The following CNTNAP2 variants were observed in gnomAD, a reference collection of about 807,000 sequenced individuals.
The protein encoded by CNTNAP2 is contactin associated protein 2, also known as contactin-associated protein-like 2.
CNTNAP2 carries 98 observed loss-of-function variants against 155.2 expected under a neutral mutation model. That is an observed-to-expected ratio of 0.63 (90% confidence interval 0.54 to 0.75). The LOEUF is 0.75. CNTNAP2 is among the 30% of genes least tolerant of loss of function. The pLI is 0.00. For synonymous variants in CNTNAP2, 651 were observed against 631.2 expected (o/e 1.03, Z -0.47); for missense variants, 1,727 against 1,688.1 (o/e 1.02, Z -0.40).
At chr7:147,466,912 TC>T (rs1798130433) in intron 10 of CNTNAP2, among the ~76,000 whole-genome samples, 1 of 152,098 alleles carries the variant, frequency 6.6e-6, no homozygotes, top group African/African-American at 2.4e-5. Context: ...AGAGTGAAAC[TC>T]CATCTCAAAA....
In CNTNAP2 at chr7:147,978,004, C is replaced by T. The variant is rs748783925; in HGVS notation, c.2383+15C>T. 4.3e-5 allele frequency: 70 copies of T among 1,613,630 alleles called. No homozygotes were observed. The highest frequency in any genetic ancestry group is 5.5e-5 in the Non-Finnish European group (65 of 1,179,854). ...CCAAGGAGACAGTAAGTTTGCATAG[C>T]AGCTATGGCTTGCACTTTCTTATCC... On this transcript the variant is annotated intron_variant, in intron 15 of 23. Coordinates refer to ENST00000361727, the MANE Select transcript of CNTNAP2 (RefSeq NM_014141.6).
intron 1 of CNTNAP2, among the ~76,000 whole-genome samples, chr7:146,354,764 G>T (rs1467040098): frequency 6.6e-6 from 1 of 152,074 alleles, no homozygotes; most frequent in Non-Finnish European, 1.5e-5. Flanking sequence ...AATATAGTGG[G>T]CAACCTGGTC....
intron 21 of CNTNAP2, among the ~76,000 whole-genome samples, chr7:148,312,098 TG>T (rs1797605729): frequency 6.6e-6 from 1 of 152,196 alleles, no homozygotes; most frequent in Non-Finnish European, 1.5e-5. Context: ...TGTGATTTTT[TG>T]GGCCTCTAAA....
intron 9 of CNTNAP2, among the ~76,000 whole-genome samples, chr7:147,364,960 A>AT (rs1462649716): frequency 6.6e-6 from 1 of 152,142 alleles, no homozygotes; most frequent in Non-Finnish European, 1.5e-5. Context: ...AAGAATTTGT[A>AT]TTTTTTTAAG....
intron 13 of CNTNAP2, among the ~76,000 whole-genome samples, chr7:147,842,110 A>G (rs1798743841): frequency 6.6e-6 from 1 of 152,240 alleles, no homozygotes. Context: ...ATTAATATAA[A>G]TGCATAATTC....
chr7:148,410,932 C>A (rs899974221), intron 23 of CNTNAP2, among the ~76,000 whole-genome samples: 3 of 152,096 alleles, frequency 2.0e-5, no homozygotes, highest in Non-Finnish European at 4.4e-5. Context: ...TGATGAACCC[C>A]TAAATACTAT....
intron 22 of CNTNAP2, among the ~76,000 whole-genome samples, chr7:148,395,278 GCT>G (rs1034746544): frequency 2.0e-5 from 3 of 148,984 alleles, no homozygotes; most frequent in African/African-American, 7.4e-5. Flanking sequence ...TGAATGTTTG[GCT>G]CTCTCTCTTA....
chr7:146,257,424 G>A (rs1038092732), intron 1 of CNTNAP2, among the ~76,000 whole-genome samples: 1 of 152,016 alleles, frequency 6.6e-6, no homozygotes, highest in Admixed American at 6.6e-5. Context: ...TGTTTACAAG[G>A]CCCCAAAATG....
intron 5 of CNTNAP2, among the ~76,000 whole-genome samples, chr7:147,116,144 T>C (rs149857096): frequency 9.9e-5 from 15 of 152,264 alleles, no homozygotes; most frequent in Middle Eastern, 3.4e-3. Context: ...GGAAGTATAA[T>C]ATCAGCAATG....
chr7:147,429,261 T>A (rs1049391886), intron 10 of CNTNAP2, among the ~76,000 whole-genome samples: 55 of 152,212 alleles, frequency 3.6e-4, no homozygotes, highest in Admixed American at 2.8e-3. Flanking sequence ...TTGATTTTTT[T>A]AAATTATGGC....
At chr7:146,404,103 C>A (rs369096365) in intron 1 of CNTNAP2, among the ~76,000 whole-genome samples, 107 of 118,784 alleles carry the variant, frequency 9.0e-4, no homozygotes, top group Admixed American at 4.9e-3. Context: ...CCAGCCTGGG[C>A]GACAGAGCGA....
intron 1 of CNTNAP2, among the ~76,000 whole-genome samples, chr7:146,308,925 A>G (rs1294718818): frequency 6.6e-6 from 1 of 152,180 alleles, no homozygotes; most frequent in Non-Finnish European, 1.5e-5. Context: ...ATGTGTACAT[A>G]TGTAACAAAC....
chr7:147,427,779 A>G (rs908268641), intron 10 of CNTNAP2, among the ~76,000 whole-genome samples: 5 of 152,188 alleles, frequency 3.3e-5, no homozygotes, highest in African/African-American at 1.2e-4. Context: ...TCATTTTCCA[A>G]GAGGGCTCCA....
intron 13 of CNTNAP2, among the ~76,000 whole-genome samples, chr7:147,665,414 G>T (rs1169659198): frequency 6.6e-6 from 1 of 152,160 alleles, no homozygotes; most frequent in African/African-American, 2.4e-5. Context: ...ACTGCCACTA[G>T]AAACATTCTT....
At chr7:148,157,113 G>A (rs1003772550) in intron 17 of CNTNAP2, among the ~76,000 whole-genome samples, 3 of 152,164 alleles carry the variant, frequency 2.0e-5, no homozygotes, top group Non-Finnish European at 2.9e-5. Flanking sequence ...TACATAGGGT[G>A]CATACTGAGT....
chr7:146,638,720 C>G (rs1422826861), intron 1 of CNTNAP2, among the ~76,000 whole-genome samples: 1 of 151,250 alleles, frequency 6.6e-6, no homozygotes, highest in Non-Finnish European at 1.5e-5. Context: ...CTCCTGACCT[C>G]GTGATCCACC....
intron 1 of CNTNAP2, among the ~76,000 whole-genome samples, chr7:146,341,735 C>T (rs10245727): frequency 2.0e-5 from 3 of 151,808 alleles, no homozygotes; most frequent in African/African-American, 7.3e-5. Flanking sequence ...ACAAAAAAAA[C>T]CCCTGAAAAA....
intron 13 of CNTNAP2, among the ~76,000 whole-genome samples, chr7:147,804,608 C>G (rs1210134868): frequency 6.6e-6 from 1 of 151,956 alleles, no homozygotes; most frequent in Non-Finnish European, 1.5e-5. Flanking sequence ...GACTGGAGTA[C>G]AGTGGTGCGA....
chr7:146,546,712 T>C (rs949802042), intron 1 of CNTNAP2, among the ~76,000 whole-genome samples: 2 of 151,816 alleles, frequency 1.3e-5, no homozygotes, highest in Admixed American at 6.6e-5. Context: ...CTCACAATCA[T>C]GGTAGAAGGT....
Sources: allele counts gnomAD v4.1 joint callset (sites outside exome capture counted in the v4.1 genomes callset), GRCh38; gene constraint gnomAD v4.1.1; transcripts MANE v1.5; gene names NCBI Gene and HGNC (gene_info 2026-07-23, HGNC 2026-07-21).